Variants in DTWD2 observed in about 807,000 individuals in gnomAD.
DTWD2 encodes the protein tRNA-uridine aminocarboxypropyltransferase 2.
DTWD2 carries 39 observed loss-of-function variants against 31.8 expected under a neutral mutation model. That is an observed-to-expected ratio of 1.22 (90% confidence interval 0.95 to 1.60). The LOEUF is 1.60. Among genes scored for constraint, DTWD2 ranks in the 40% most tolerant of loss-of-function variants. The pLI is 0.00. For synonymous variants in DTWD2, 180 were observed against 142.8 expected (o/e 1.26, Z -1.86); for missense variants, 515 against 381.5 (o/e 1.35, Z -2.92).
intron 1 of DTWD2, among the ~76,000 whole-genome samples, chr5:118,952,102 A>T (rs1342798954): frequency 6.6e-6 from 1 of 152,218 alleles, no homozygotes; most frequent in African/African-American, 2.4e-5. Flanking sequence ...CAGAGAAGAC[A>T]GTAAAAAGAC....
chr5:118,926,201 C>T (rs753853750), intron 4 of DTWD2, among the ~76,000 whole-genome samples: 6 of 152,106 alleles, frequency 3.9e-5, no homozygotes, highest in South Asian at 2.1e-4. Flanking sequence ...ATATATACCA[C>T]GGAATACTAC....
intron 4 of DTWD2, among the ~76,000 whole-genome samples, chr5:118,862,500 C>CA (rs1364396213): frequency 2.6e-5 from 4 of 152,072 alleles, no homozygotes; most frequent in Non-Finnish European, 5.9e-5. Flanking sequence ...TGTTTATACA[C>CA]AGGTCTTTAG....
Position 118,916,907 on chromosome 5 carries a change from AC to A in DTWD2, c.597+11629del, listed in dbSNP as rs554143447. ...CTGGATCAGAAAGATCCAGAGGAAT[AC>A]CTGCTTTTTTTTCTGACCCCATTAG... is the stretch of plus-strand genomic sequence containing the variant. On this transcript the variant is annotated intron_variant, in intron 4 of 5. Coordinates refer to ENST00000510708, the MANE Select transcript of DTWD2 (RefSeq NM_173666.4). 6.5e-3 allele frequency among the ~76,000 whole-genome samples: 992 copies of A among 152,208 alleles called. 6 individuals carry two copies. Among genetic ancestry groups the A allele is most frequent in the Non-Finnish European group, 0.012 (815 of 68,006 alleles).
At chr5:118,873,198 T>C (rs1355321054) in intron 4 of DTWD2, among the ~76,000 whole-genome samples, 1 of 152,194 alleles carries the variant, frequency 6.6e-6, no homozygotes, top group Non-Finnish European at 1.5e-5. Flanking sequence ...GTGTCTATAG[T>C]GGAGCACAGC....
At chr5:118,876,526 T>C (rs1158339904) in intron 4 of DTWD2, among the ~76,000 whole-genome samples, 2 of 151,810 alleles carry the variant, frequency 1.3e-5, no homozygotes, top group African/African-American at 4.8e-5. Context: ...TTCAAATAAA[T>C]ACAATCAGAA....
rs979379230 is a variant in DTWD2 at position 118,841,237 on chromosome 5, T to C, written c.727-150A>G. On this transcript the variant is annotated intron_variant, in intron 5 of 5. Transcript: ENST00000510708. ...AACACTAGGCACTCTGATAAATATA[T>C]AATTATTTCTAGATAAATAATGTCT... The C allele has an allele frequency of 2.2e-5, 17 of 759,356 alleles. No individual in the cohort carries two copies. In the Admixed American group the frequency reaches 4.0e-4, roughly 18 times the overall value. 47.0% of individuals were successfully genotyped at this position (759,356 alleles called of 1,614,324 possible). A position where few individuals can be genotyped will look rare whatever the true frequency, so the allele number is the denominator to read the frequency against.
At chr5:118,881,461 A>G (rs1016815697) in intron 4 of DTWD2, among the ~76,000 whole-genome samples, 2 of 152,230 alleles carry the variant, frequency 1.3e-5, no homozygotes, top group African/African-American at 4.8e-5. Context: ...TATCAGCATT[A>G]TTTGAAACTG....
At chr5:118,889,102 G>A (rs1050503935) in intron 4 of DTWD2, among the ~76,000 whole-genome samples, 7 of 152,064 alleles carry the variant, frequency 4.6e-5, no homozygotes, top group Non-Finnish European at 1.0e-4. Flanking sequence ...TAATTTTAAT[G>A]AAAGTCCAAG....
intron 1 of DTWD2, among the ~76,000 whole-genome samples, chr5:118,985,490 T>TTTTATATATATATA (rs139994443): frequency 1.0e-4 from 10 of 95,428 alleles, no homozygotes; most frequent in Non-Finnish European, 2.0e-4. Context: ...ATGTGCATTT[T>TTTTATATATATATA]TATATATATA....
intron 1 of DTWD2, among the ~76,000 whole-genome samples, chr5:118,975,839 T>TA (rs1755143126): frequency 6.6e-6 from 1 of 152,120 alleles, no homozygotes; most frequent in Admixed American, 6.6e-5. Flanking sequence ...CTGGACCAAG[T>TA]AGACCTAATA....
intron 4 of DTWD2, among the ~76,000 whole-genome samples, chr5:118,866,042 T>A (rs1044664840): frequency 6.6e-6 from 1 of 151,854 alleles, no homozygotes; most frequent in African/African-American, 2.4e-5. Context: ...CTGTTAGTGA[T>A]TTCTGGGAAG....
At chr5:118,960,448 G>T (rs1446505884) in intron 1 of DTWD2, among the ~76,000 whole-genome samples, 7 of 152,160 alleles carry the variant, frequency 4.6e-5, no homozygotes, top group Non-Finnish European at 5.9e-5. Context: ...CAAGACTGCA[G>T]ATAAAAGGGA....
chr5:118,847,981 A>G, intron 5 of DTWD2, 109 bp downstream of exon 5: 1 of 1,216,106 alleles, frequency 8.2e-7, no homozygotes, highest in Non-Finnish European at 1.1e-6. Flanking sequence ...CTAACACAGA[A>G]GATTCTACTT....
intron 4 of DTWD2, among the ~76,000 whole-genome samples, chr5:118,871,659 T>C (rs1341196352): frequency 6.6e-6 from 1 of 152,188 alleles, no homozygotes; most frequent in Non-Finnish European, 1.5e-5. Flanking sequence ...AAATATTCAA[T>C]AATCCATGCT....
chr5:118,910,607 C>T (rs1275738984), intron 4 of DTWD2, among the ~76,000 whole-genome samples: 1 of 152,154 alleles, frequency 6.6e-6, no homozygotes, highest in East Asian at 1.9e-4. Flanking sequence ...GCATGTATGC[C>T]AAATTCTTCC....
intron 4 of DTWD2, among the ~76,000 whole-genome samples, chr5:118,887,013 T>C (rs533578635): frequency 3.7e-4 from 57 of 152,294 alleles, no homozygotes; most frequent in African/African-American, 1.3e-3. Flanking sequence ...AATGTGTTGA[T>C]CCATTCAGGA....
intron 1 of DTWD2, among the ~76,000 whole-genome samples, chr5:118,972,414 G>A (rs1015788906): frequency 2.7e-4 from 41 of 152,040 alleles, no homozygotes; most frequent in Non-Finnish European, 1.5e-5. Flanking sequence ...CTGCCAAGAC[G>A]AACCAGGAAG....
chr5:118,900,958 C>G (rs1400921815), intron 4 of DTWD2, among the ~76,000 whole-genome samples: 1 of 150,670 alleles, frequency 6.6e-6, no homozygotes, highest in East Asian at 1.9e-4. Flanking sequence ...GACTCAAAAT[C>G]ATATTTCCTG....
chr5:118,907,415 C>G (rs1199472982), intron 4 of DTWD2, among the ~76,000 whole-genome samples: 2 of 152,134 alleles, frequency 1.3e-5, no homozygotes, highest in African/African-American at 4.8e-5. Flanking sequence ...CAGCCCAAAT[C>G]TGCAGTGTGA....
Sources: allele counts gnomAD v4.1 joint callset (sites outside exome capture counted in the v4.1 genomes callset), GRCh38; gene constraint gnomAD v4.1.1; transcripts MANE v1.5; gene names NCBI Gene and HGNC (gene_info 2026-07-23, HGNC 2026-07-21).